Variants in CDKAL1 observed in about 807,000 individuals in gnomAD.
CDKAL1 encodes the protein threonylcarbamoyladenosine tRNA methylthiotransferase.
CDKAL1 carries 32 observed loss-of-function variants against 68.2 expected under a neutral mutation model. The observed-to-expected ratio is 0.47, with a 90% CI of 0.35 to 0.63. The LOEUF (loss-of-function observed/expected upper bound fraction) is 0.63. Among genes scored for constraint, CDKAL1 ranks in the 30% least tolerant of loss-of-function variants. CDKAL1 has a pLI of 0.00. For synonymous variants in CDKAL1, 234 were observed against 244.3 expected (o/e 0.96, Z 0.39); for missense variants, 606 against 696.7 (o/e 0.87, Z 1.47).
intron 13 of CDKAL1, among the ~76,000 whole-genome samples, chr6:21,145,035 C>A (rs1776101094): frequency 6.6e-6 from 1 of 152,150 alleles, no homozygotes; most frequent in African/African-American, 2.4e-5. Context: ...GTGGTCATGT[C>A]CCCTTAGGCT....
intron 9 of CDKAL1, among the ~76,000 whole-genome samples, chr6:20,900,980 G>C (rs779894961): frequency 1.3e-5 from 2 of 152,074 alleles, no homozygotes; most frequent in African/African-American, 4.8e-5. Flanking sequence ...TCAATGAGAC[G>C]TGTCGTCTTT....
intron 11 of CDKAL1, among the ~76,000 whole-genome samples, chr6:21,061,530 T>C (rs1771139184): frequency 6.6e-6 from 1 of 152,108 alleles, no homozygotes; most frequent in Admixed American, 6.5e-5. Context: ...CAAAAATAGC[T>C]TTTACCCAGA....
At position 21,074,710 on chromosome 6, in the gene CDKAL1, A is replaced by G. The variant is rs1435896918; in HGVS notation, c.1236+9482A>G. The stretch of plus-strand genomic sequence containing the variant: ...ATTGTCTACTCTACCAGTCTTAGGT[A>G]GTTTATGAAACTGCTTATGAAACTA... On this transcript the variant is annotated intron_variant, in intron 12 of 15. Coordinates refer to ENST00000274695, the MANE Select transcript of CDKAL1 (RefSeq NM_017774.3). Among the ~76,000 whole-genome samples the G allele has an allele frequency of 3.9e-5, 6 of 152,180 alleles. No individual in the cohort carries two copies. The South Asian group carries it at 1.0e-3, about 26-fold the overall frequency.
chr6:21,125,305 T>C (rs1409960197), intron 13 of CDKAL1, among the ~76,000 whole-genome samples: 1 of 152,192 alleles, frequency 6.6e-6, no homozygotes, highest in Non-Finnish European at 1.5e-5. Context: ...GGTGCCTTGC[T>C]TCCCCTTTGT....
intron 9 of CDKAL1, among the ~76,000 whole-genome samples, chr6:20,940,916 G>A (rs541198312): frequency 2.0e-5 from 3 of 151,774 alleles, no homozygotes; most frequent in Admixed American, 1.3e-4. Context: ...CAGTGAAACC[G>A]CGTCTCTACT....
intron 7 of CDKAL1, among the ~76,000 whole-genome samples, chr6:20,777,331 G>A (rs2150369981): frequency 6.6e-6 from 1 of 152,246 alleles, no homozygotes; most frequent in South Asian, 2.1e-4. Context: ...AAACAACATA[G>A]GCCAGGTGCA....
chr6:20,846,296 A>G (rs1778372647), intron 9 of CDKAL1, 118 bp downstream of exon 9: 1 of 620,246 alleles, frequency 1.6e-6, no homozygotes, highest in Non-Finnish European at 2.8e-6. Flanking sequence ...TTTTACAAAT[A>G]TACGAACTTA....
intron 9 of CDKAL1, among the ~76,000 whole-genome samples, chr6:20,946,896 C>A (rs1047262633): frequency 2.0e-5 from 3 of 152,156 alleles, no homozygotes; most frequent in African/African-American, 7.2e-5. Context: ...TGCAACTGAC[C>A]TCATCATCCA....
At chr6:20,747,030 C>T (rs1290712932) in intron 6 of CDKAL1, among the ~76,000 whole-genome samples, 1 of 152,136 alleles carries the variant, frequency 6.6e-6, no homozygotes, top group Non-Finnish European at 1.5e-5. Flanking sequence ...CCAGGCTACT[C>T]CCTGTTTCTC....
intron 2 of CDKAL1, among the ~76,000 whole-genome samples, chr6:20,536,843 A>G (rs975377344): frequency 1.5e-4 from 23 of 152,188 alleles, no homozygotes; most frequent in African/African-American, 3.6e-4. Flanking sequence ...GTTCATTTCT[A>G]ACAAGTTCCC....
intron 8 of CDKAL1, among the ~76,000 whole-genome samples, chr6:20,787,661 TTCC>T (rs1775732136): frequency 6.6e-6 from 1 of 152,210 alleles, no homozygotes; most frequent in Non-Finnish European, 1.5e-5. Context: ...GCAACCAGAA[TTCC>T]TTACCTAGTG....
chr6:20,917,578 T>G (rs947889735), intron 9 of CDKAL1, among the ~76,000 whole-genome samples: 2 of 152,128 alleles, frequency 1.3e-5, no homozygotes, highest in African/African-American at 4.8e-5. Context: ...AATAAGCTCT[T>G]TAGTGGTGAT....
chr6:20,619,242 C>A (rs1284984822), intron 4 of CDKAL1, among the ~76,000 whole-genome samples: 2 of 152,112 alleles, frequency 1.3e-5, no homozygotes, highest in Admixed American at 1.3e-4. Context: ...CTATAAAATT[C>A]TTTTGAAAAA....
intron 12 of CDKAL1, among the ~76,000 whole-genome samples, chr6:21,100,530 G>A (rs1364644035): frequency 6.6e-6 from 1 of 152,132 alleles, no homozygotes; most frequent in Admixed American, 6.5e-5. Context: ...TAGAGAGTAG[G>A]GGGTGAAAAA....
intron 11 of CDKAL1, among the ~76,000 whole-genome samples, chr6:21,048,630 G>A (rs201337): frequency 0.19 from 28,596 of 151,806 alleles, 2,815 homozygotes; most frequent in Middle Eastern, 0.24. Context: ...CTATTTTTTG[G>A]TAACACTTCC....
intron 9 of CDKAL1, among the ~76,000 whole-genome samples, chr6:20,920,119 T>C (rs1762884630): frequency 1.3e-5 from 2 of 152,212 alleles, no homozygotes; most frequent in African/African-American, 4.8e-5. Context: ...CTTTCCTGTA[T>C]GATTACTCAG....
At chr6:21,043,205 G>A (rs946746860) in intron 11 of CDKAL1, among the ~76,000 whole-genome samples, 4 of 152,184 alleles carry the variant, frequency 2.6e-5, no homozygotes, top group Admixed American at 1.3e-4. Context: ...ATAGAGCATA[G>A]AATGTCTGCC....
intron 7 of CDKAL1, among the ~76,000 whole-genome samples, chr6:20,763,779 T>C (rs1365576142): frequency 6.6e-6 from 1 of 152,240 alleles, no homozygotes; most frequent in Non-Finnish European, 1.5e-5. Flanking sequence ...TAAAAGCTTG[T>C]TTTCATTTAT....
intron 1 of CDKAL1, among the ~76,000 whole-genome samples, chr6:20,534,791 A>G (rs1184929788): frequency 6.6e-6 from 1 of 152,192 alleles, no homozygotes; most frequent in African/African-American, 2.4e-5. Context: ...CTCTCCAGTT[A>G]GGAGTATTTT....
Sources: gnomAD v4.1 joint callset for allele counts (sites outside exome capture counted in the v4.1 genomes callset) on GRCh38, gnomAD v4.1.1 for gene constraint, MANE v1.5 for transcripts, NCBI Gene and HGNC (gene_info 2026-07-23, HGNC 2026-07-21) for gene names.